Variants in TDP1 observed in about 807,000 individuals in gnomAD.
TDP1 encodes the protein tyrosyl-DNA phosphodiesterase 1.
TDP1 carries 64 observed loss-of-function variants against 81.5 expected under a neutral mutation model. The observed-to-expected ratio is 0.79, with a 90% CI of 0.64 to 0.97. The LOEUF is 0.97. Ranked by LOEUF, TDP1 falls within the 50% of genes least tolerant of loss-of-function variation. The pLI, the probability that TDP1 is intolerant of heterozygous loss-of-function variation, is 0.00. For synonymous variants in TDP1, 256 were observed against 264.3 expected (o/e 0.97, Z 0.30); for missense variants, 723 against 743.8 (o/e 0.97, Z 0.33).
intron 5 of TDP1, among the ~76,000 whole-genome samples, chr14:89,969,114 A>G (rs982166980): frequency 5.9e-5 from 9 of 152,168 alleles, no homozygotes; most frequent in African/African-American, 1.4e-4. Context: ...TCAGGAACCA[A>G]TCCTGCCAGC....
intron 7 of TDP1, among the ~76,000 whole-genome samples, chr14:89,979,575 C>A (rs768013811): frequency 9.2e-5 from 14 of 152,174 alleles, no homozygotes; most frequent in Non-Finnish European, 2.1e-4. Context: ...TCCCAAAGTG[C>A]TGGGATTACA....
At chr14:89,975,729 A>T (rs1596533015) in intron 6 of TDP1, 52 bp from the exon 7 acceptor site, 1 of 1,429,188 alleles carries the variant, frequency 7.0e-7, no homozygotes, top group Non-Finnish European at 9.9e-7. Context: ...TTTCCAGTAG[A>T]TATGGATATT....
At chr14:89,964,809 A>G (rs1892746147) in intron 3 of TDP1, 4 of 419,694 alleles carry the variant, frequency 9.5e-6, no homozygotes, top group Middle Eastern at 3.9e-4. Flanking sequence ...TTGTGGTAAC[A>G]TGATAGGAGC....
chr14:89,959,450 C>A (rs966367835), intron 2 of TDP1, among the ~76,000 whole-genome samples: 27 of 152,212 alleles, frequency 1.8e-4, no homozygotes, highest in African/African-American at 6.3e-4. Flanking sequence ...TCTTTTCCAA[C>A]TGGGCGGGAG....
intron 2 of TDP1, among the ~76,000 whole-genome samples, chr14:89,961,013 C>T (rs1892263308): frequency 6.6e-6 from 1 of 152,112 alleles, no homozygotes; most frequent in Admixed American, 6.6e-5. Context: ...AATGGCATCC[C>T]AGGGAGGAGA....
rs374710359 is a variant in TDP1 at position 90,043,180 on chromosome 14, T to C, written c.*37T>C. ...CACTGTGAAATTTAAGTGTAAGACA[T>C]TGAGCCACAAACATGGAATCTCTTC... On this transcript the variant is annotated 3_prime_UTR_variant, in exon 17 of 17. Coordinates refer to ENST00000335725, the MANE Select transcript of TDP1 (RefSeq NM_018319.4). 3.6e-5 allele frequency: 58 copies of C among 1,613,828 alleles called. 1 individual carries two copies. The highest frequency in any genetic ancestry group is 4.9e-5 in the Non-Finnish European group (58 of 1,179,860).
At chr14:89,958,256 C>G (rs967747985) in intron 2 of TDP1, 4 of 152,458 alleles carry the variant, frequency 2.6e-5, no homozygotes, top group South Asian at 4.1e-4. Flanking sequence ...CAGCAGCTCC[C>G]TCTCCCATTG....
intron 5 of TDP1, among the ~76,000 whole-genome samples, chr14:89,968,560 A>T (rs986154886): frequency 7.2e-5 from 11 of 152,252 alleles, no homozygotes; most frequent in Admixed American, 6.5e-4. Flanking sequence ...GCTCAGCTGC[A>T]TGCTAACCAG....
intron 12 of TDP1, 172 bp from the exon 13 acceptor site, chr14:89,991,744 CA>C (rs1178411735): frequency 1.3e-6 from 1 of 794,480 alleles, no homozygotes; most frequent in African/African-American, 1.9e-5. Context: ...GTTAAGAGAA[CA>C]TATCTAGTGC....
intron 8 of TDP1, among the ~76,000 whole-genome samples, chr14:89,982,698 CTAGG>C (rs1333490910): frequency 1.3e-5 from 2 of 152,092 alleles, no homozygotes; most frequent in Non-Finnish European, 2.9e-5. Flanking sequence ...AACTTATTGA[CTAGG>C]TAGGAACGGT....
chr14:89,961,301 A>G (rs1222893838), intron 2 of TDP1, among the ~76,000 whole-genome samples: 2 of 152,206 alleles, frequency 1.3e-5, no homozygotes, highest in Non-Finnish European at 2.9e-5. Flanking sequence ...TTCAGGAGAA[A>G]GTTACTCCAT....
At chr14:90,009,639 A>G (rs1324815000) in intron 14 of TDP1, among the ~76,000 whole-genome samples, 1 of 152,250 alleles carries the variant, frequency 6.6e-6, no homozygotes, top group African/African-American at 2.4e-5. Flanking sequence ...CAGTGCAATA[A>G]GGCAAAAAAA....
chr14:89,981,737 A>G (rs554685582), intron 8 of TDP1, among the ~76,000 whole-genome samples: 2 of 152,078 alleles, frequency 1.3e-5, no homozygotes, highest in African/African-American at 4.8e-5. Context: ...CCAGGTTACA[A>G]TGCTGTGATG....
At chr14:90,002,411 A>T (rs1373593994) in intron 14 of TDP1, among the ~76,000 whole-genome samples, 2 of 152,212 alleles carry the variant, frequency 1.3e-5, no homozygotes, top group Non-Finnish European at 2.9e-5. Context: ...GATAGAAAAC[A>T]TGCGGTTGTT....
At chr14:89,993,074 C>T in intron 13 of TDP1, 1 of 883,324 alleles carries the variant, frequency 1.1e-6, no homozygotes, top group Non-Finnish European at 1.4e-6. Context: ...GAGACATATA[C>T]ACACATGCTG....
rs139590179 is a variant in TDP1 at position 90,032,329 on chromosome 14, G to T, written c.1645-777G>T. Among the ~76,000 whole-genome samples, 226 of 152,176 alleles carry T rather than the reference G, an allele frequency of 1.5e-3. 1 individual carries two copies. Among genetic ancestry groups the T allele is most frequent in the African/African-American group, 5.1e-3 (213 of 41,512 alleles). On this transcript the variant is annotated intron_variant, in intron 15 of 16. Coordinates refer to ENST00000335725, the MANE Select transcript of TDP1 (RefSeq NM_018319.4). ...CACTGTTGGGTATGTGCCTATTGAG[G>T]ATTTGAAGGGTGGATATGTGTGTGG...
At chr14:89,971,886 C>T (rs868583637) in intron 6 of TDP1, among the ~76,000 whole-genome samples, 1 of 151,430 alleles carries the variant, frequency 6.6e-6, no homozygotes, top group Non-Finnish European at 1.5e-5. Flanking sequence ...ATTGACACTT[C>T]AACGGTAGTC....
chr14:89,963,746 C>A (rs1311585585), intron 3 of TDP1, 73 bp downstream of exon 3: 44 of 1,527,340 alleles, frequency 2.9e-5, no homozygotes, highest in Non-Finnish European at 4.0e-5. Context: ...ACAAGGAGGG[C>A]AGCCTAGAAT....
intron 6 of TDP1, among the ~76,000 whole-genome samples, chr14:89,971,669 A>G (rs1291820735): frequency 6.6e-6 from 1 of 152,150 alleles, no homozygotes; most frequent in Non-Finnish European, 1.5e-5. Context: ...TCAATGTAGT[A>G]TGGATTCTGA....
Sources: gnomAD v4.1 joint callset for allele counts (sites outside exome capture counted in the v4.1 genomes callset) on GRCh38, gnomAD v4.1.1 for gene constraint, MANE v1.5 for transcripts, NCBI Gene and HGNC (gene_info 2026-07-23, HGNC 2026-07-21) for gene names.